The following CUL2 variants were observed in gnomAD, a reference collection of about 807,000 sequenced individuals.
The protein encoded by CUL2 is cullin 2.
CUL2 carries 22 observed loss-of-function variants against 110.2 expected under a neutral mutation model. The ratio of observed to expected loss-of-function variants is 0.20; its 90% CI spans 0.14 to 0.28. The LOEUF is 0.28. CUL2 is among the 10% of genes least tolerant of loss of function. The pLI is 1.00. For missense variants in CUL2, 631 were observed against 905.5 expected, an observed-to-expected ratio of 0.70 and a Z score of 3.89; for synonymous variants, 279 against 293.2, an observed-to-expected ratio of 0.95 and a Z score of 0.49.
At chr10:35,118,791 A>C (rs1019388102) in intron 1 of CUL2, 1 of 152,206 alleles carries the variant, frequency 6.6e-6, no homozygotes, top group African/African-American at 2.4e-5. Context: ...GCTCCACAAG[A>C]GTTTAGGACT....
At chr10:35,113,241 A>T (rs928411242) in intron 1 of CUL2, among the ~76,000 whole-genome samples, 1 of 150,702 alleles carries the variant, frequency 6.6e-6, no homozygotes, top group African/African-American at 2.4e-5. Context: ...CACTTCTGTA[A>T]TCCCAGCATT....
chr10:35,120,207 A>G (rs1375346258), intron 1 of CUL2, among the ~76,000 whole-genome samples: 1 of 152,180 alleles, frequency 6.6e-6, no homozygotes, highest in Non-Finnish European at 1.5e-5. Context: ...CTTAGACACA[A>G]ATACCAAATT....
intron 9 of CUL2, among the ~76,000 whole-genome samples, chr10:35,037,093 C>T (rs750997014): frequency 1.2e-4 from 19 of 152,152 alleles, no homozygotes; most frequent in Non-Finnish European, 2.6e-4. Flanking sequence ...ATATCTTTCC[C>T]TGTCTCAAGG....
upstream of CUL2, chr10:35,090,758 G>T (rs2087191443): frequency 6.6e-6 from 1 of 152,300 alleles, no homozygotes; most frequent in South Asian, 2.1e-4. Flanking sequence ...TGAGGCAATT[G>T]CGGTTCGCTG....
At chr10:35,077,326 C>CAA (rs138565996) in intron 1 of CUL2, among the ~76,000 whole-genome samples, 59 of 133,672 alleles carry the variant, frequency 4.4e-4, no homozygotes, top group Non-Finnish European at 7.6e-4. Flanking sequence ...AACAAACAAA[C>CAA]AAACAAAAAA....
At chr10:35,041,366 A>C (rs1467606349) in intron 8 of CUL2, among the ~76,000 whole-genome samples, 1 of 152,186 alleles carries the variant, frequency 6.6e-6, no homozygotes, top group Admixed American at 6.5e-5. Flanking sequence ...GCAGGGCTTC[A>C]AACAGCTGTA....
chr10:35,062,847 A>T, intron 3 of CUL2, 113 bp downstream of exon 3: 1 of 643,820 alleles, frequency 1.6e-6, no homozygotes, highest in South Asian at 2.0e-5. Flanking sequence ...TAAAAAAAGC[A>T]GCAGCAGCAG....
Position 35,035,269 on chromosome 10 carries a change from C to T in CUL2, c.905G>A (p.Arg302His), listed in dbSNP as rs764535357. Reference protein sequence around the residue: ...NDMANMYVLLRAVSTGLPHMI... With the variant: ...NDMANMYVLLHAVSTGLPHMI... ...ATGAGGTAAACCAGTGGACACAGCA[C>T]GGAGTAAGACGTACATATTTGCCAT... The change falls in exon 10 of 21, where the codon CGT (arginine) becomes CAT (histidine). Residue 302 changes from arginine to histidine, a missense_variant. Physicochemically the swap from Arg to His is conservative, Grantham distance 29. Coordinates refer to ENST00000374749, the MANE Select transcript of CUL2 (RefSeq NM_003591.4). 2.6e-5 allele frequency: 42 copies of T among 1,614,000 alleles called. No individual in the cohort carries two copies. In the Middle Eastern group the frequency reaches 5.0e-4, roughly 19 times the overall value.
At chr10:35,085,545 C>A (rs1274586002) in intron 1 of CUL2, among the ~76,000 whole-genome samples, 2 of 151,714 alleles carry the variant, frequency 1.3e-5, no homozygotes, top group Non-Finnish European at 1.5e-5. Flanking sequence ...GAGATCAAGA[C>A]CATCCTGGCT....
At chr10:35,011,134 A>T (rs1288626919) in intron 20 of CUL2, among the ~76,000 whole-genome samples, 1 of 152,050 alleles carries the variant, frequency 6.6e-6, no homozygotes, top group African/African-American at 2.4e-5. Flanking sequence ...GGGCTCAAGC[A>T]ATCCTCCCGC....
chr10:35,011,641 C>T (rs1362884473), intron 20 of CUL2, among the ~76,000 whole-genome samples: 4 of 152,102 alleles, frequency 2.6e-5, no homozygotes, highest in African/African-American at 7.2e-5. Context: ...AAAAGGATTA[C>T]AGGCATGAGC....
chr10:35,115,199 C>T (rs2087578919), intron 1 of CUL2, among the ~76,000 whole-genome samples: 1 of 151,466 alleles, frequency 6.6e-6, no homozygotes, highest in Non-Finnish European at 1.5e-5. Context: ...GGTCATGCTA[C>T]TGCATGCCAG....
At chr10:35,040,429 A>C (rs2085754033) in intron 8 of CUL2, among the ~76,000 whole-genome samples, 1 of 152,204 alleles carries the variant, frequency 6.6e-6, no homozygotes, top group Non-Finnish European at 1.5e-5. Flanking sequence ...AGAGTTTCTG[A>C]AATTAAGTGT....
At chr10:35,105,450 G>A (rs1160572492) in intron 1 of CUL2, among the ~76,000 whole-genome samples, 1 of 148,396 alleles carries the variant, frequency 6.7e-6, no homozygotes, top group African/African-American at 2.5e-5. Flanking sequence ...AAAAAACTAA[G>A]TAATTGGGCC....
rs17583009 is a variant in CUL2 at position 35,031,987 on chromosome 10, T to C, written c.1171-368A>G. Among the ~76,000 whole-genome samples the C allele has an allele frequency of 0.31, 46,629 of 152,100 alleles. 7,444 individuals carry two copies. Among genetic ancestry groups the C allele is most frequent in the South Asian group, 0.35 (1,671 of 4,818 alleles). On this transcript the variant is annotated intron_variant, in intron 12 of 20. Transcript: ENST00000374749. This position sits in a 1 kb window ranked among gnomAD's most constrained non-coding sequence, Gnocchi z 4.4. Reference sequence around the variant, plus strand: ...AAGTCAAATATCAAATCATCACTTATTGACCAATAAAGCAACTGATATAAG... The same window carrying C: ...AAGTCAAATATCAAATCATCACTTACTGACCAATAAAGCAACTGATATAAG...
At chr10:35,097,412 T>A (rs67261877) in intron 2 of CUL2, among the ~76,000 whole-genome samples, 43,756 of 149,216 alleles carry the variant, frequency 0.29, 6,905 homozygotes, top group South Asian at 0.35. Context: ...ATTGCTTGAG[T>A]TCAGGAGATT....
chr10:35,112,529 G>A (rs1335683574), intron 1 of CUL2, among the ~76,000 whole-genome samples: 4 of 152,200 alleles, frequency 2.6e-5, no homozygotes, highest in Non-Finnish European at 5.9e-5. Context: ...TTTCAGGACA[G>A]ACTGCAAGAG....
intron 1 of CUL2, among the ~76,000 whole-genome samples, chr10:35,113,460 T>C (rs1230817295): frequency 8.7e-6 from 1 of 114,796 alleles, no homozygotes; most frequent in Non-Finnish European, 1.6e-5. Flanking sequence ...ATCACGCTAC[T>C]GCACTCCAGC....
chr10:35,011,905 A>T lies in CUL2; in HGVS notation c.2049T>A (p.Ala683=), dbSNP rs776161868. 1 of 1,614,002 alleles carries T rather than the reference A, an allele frequency of 6.2e-7. No individual in the cohort carries two copies. The highest frequency in any genetic ancestry group is 8.5e-7 in the Non-Finnish European group (1 of 1,179,892). Reference sequence around the variant, plus strand: ...TTCGTGCTTTCATGATACGAACTATAGCAGCTTGGAGATACATTTTCCGGT... The same window carrying T: ...TTCGTGCTTTCATGATACGAACTATTGCAGCTTGGAGATACATTTTCCGGT... ...DEDRKMYLQA[A]IVRIMKARKV... Residue 683 remains alanine, a synonymous_variant, in exon 20 of 21, where the codon GCT becomes GCA. Coordinates refer to ENST00000374749, the MANE Select transcript of CUL2 (RefSeq NM_003591.4).
Sources: gnomAD v4.1 joint callset for allele counts (sites outside exome capture counted in the v4.1 genomes callset) on GRCh38, gnomAD v4.1.1 for gene constraint, Gnocchi (gnomAD v3.1) non-coding constraint, MANE v1.5 for transcripts, NCBI Gene and HGNC (gene_info 2026-07-23, HGNC 2026-07-21) for gene names.